Variants in EPB41L4A observed in about 807,000 individuals in gnomAD.
EPB41L4A encodes the protein band 4.1-like protein 4A.
A neutral mutation model predicts 108.6 loss-of-function variants in EPB41L4A; 100 were observed. The ratio of observed to expected loss-of-function variants is 0.92; its 90% CI spans 0.78 to 1.09. The LOEUF is 1.09. Ranked by LOEUF, EPB41L4A falls within the 50% of genes least tolerant of loss-of-function variation. The pLI is 0.00. For synonymous variants in EPB41L4A, 319 were observed against 289.0 expected (o/e 1.10, Z -1.05); for missense variants, 1,030 against 842.7 (o/e 1.22, Z -2.75).
chr5:112,336,993 T>C (rs1458426577), intron 1 of EPB41L4A, among the ~76,000 whole-genome samples: 5 of 152,180 alleles, frequency 3.3e-5, no homozygotes, highest in East Asian at 1.9e-4. Context: ...CACAGTGCCA[T>C]TGAGAACCCA....
intron 9 of EPB41L4A, chr5:112,257,030 C>G (rs535393154): frequency 6.6e-6 from 1 of 152,120 alleles, no homozygotes; most frequent in Non-Finnish European, 1.5e-5. Context: ...TCTGACCAGA[C>G]CAGCAAACCA....
chr5:112,306,518 A>G (rs985935372), intron 2 of EPB41L4A, among the ~76,000 whole-genome samples: 1 of 152,164 alleles, frequency 6.6e-6, no homozygotes, highest in Non-Finnish European at 1.5e-5. Context: ...TCTTCACTGA[A>G]TGTACCACAA....
intron 1 of EPB41L4A, among the ~76,000 whole-genome samples, chr5:112,385,281 T>C (rs577219408): frequency 9.9e-5 from 15 of 152,026 alleles, no homozygotes; most frequent in Middle Eastern, 3.4e-3. Flanking sequence ...AAGAAACACA[T>C]AGATTCAACT....
chr5:112,167,655 T>A (rs1321090551), intron 22 of EPB41L4A, among the ~76,000 whole-genome samples: 1 of 152,170 alleles, frequency 6.6e-6, no homozygotes, highest in Non-Finnish European at 1.5e-5. Context: ...TGAAGAGCCA[T>A]CTCAGCTCTA....
chr5:112,258,478 C>T lies in EPB41L4A; in HGVS notation c.795+751G>A, dbSNP rs138187665. Reference sequence around the variant, plus strand: ...TAGATTCTCCTATATCGTGTTTTCACTCATGTATCCCATAAATATGGATTA... The same window carrying T: ...TAGATTCTCCTATATCGTGTTTTCATTCATGTATCCCATAAATATGGATTA... On this transcript the variant is annotated intron_variant, in intron 9 of 22. Coordinates refer to ENST00000261486, the MANE Select transcript of EPB41L4A (RefSeq NM_022140.5). Among the ~76,000 whole-genome samples the T allele has an allele frequency of 5.4e-3, 823 of 152,330 alleles. 6 individuals are homozygous for T. Among genetic ancestry groups the T allele is most frequent in the Non-Finnish European group, 8.1e-3 (548 of 68,032 alleles).
intron 17 of EPB41L4A, among the ~76,000 whole-genome samples, chr5:112,190,176 A>T (rs1761625235): frequency 6.6e-6 from 1 of 152,240 alleles, no homozygotes; most frequent in Admixed American, 6.5e-5. Flanking sequence ...ACAAATTAGT[A>T]TAGCAAAGTA....
intron 18 of EPB41L4A, among the ~76,000 whole-genome samples, chr5:112,172,908 T>C (rs1405505879): frequency 1.3e-5 from 2 of 152,196 alleles, no homozygotes; most frequent in East Asian, 3.8e-4. Flanking sequence ...CTATACTAAT[T>C]CTGTGCTGCA....
intron 1 of EPB41L4A, among the ~76,000 whole-genome samples, chr5:112,334,417 A>G (rs1756788684): frequency 6.6e-6 from 1 of 152,092 alleles, no homozygotes; most frequent in East Asian, 1.9e-4. Context: ...TATATATCTC[A>G]ATAGGAAATA....
intron 1 of EPB41L4A, among the ~76,000 whole-genome samples, chr5:112,309,534 T>C (rs1284618781): frequency 6.6e-6 from 1 of 152,130 alleles, no homozygotes; most frequent in Non-Finnish European, 1.5e-5. Flanking sequence ...TTCGAGGAAA[T>C]TTTACACTTT....
At chr5:112,414,868 A>G (rs1010018265) in intron 1 of EPB41L4A, among the ~76,000 whole-genome samples, 1 of 152,198 alleles carries the variant, frequency 6.6e-6, no homozygotes, top group African/African-American at 2.4e-5. Flanking sequence ...GTAGTTATGC[A>G]GGAGAGACAC....
intron 12 of EPB41L4A, among the ~76,000 whole-genome samples, chr5:112,215,021 A>G (rs1747515089): frequency 6.6e-6 from 1 of 152,222 alleles, no homozygotes; most frequent in Non-Finnish European, 1.5e-5. Flanking sequence ...GTGCACCCAC[A>G]TGGCTGCCAG....
intron 1 of EPB41L4A, among the ~76,000 whole-genome samples, chr5:112,320,113 G>A (rs1048930064): frequency 2.6e-5 from 4 of 152,112 alleles, no homozygotes; most frequent in African/African-American, 7.2e-5. Context: ...CCTATTCAAG[G>A]CACTTGAGAA....
intron 2 of EPB41L4A, among the ~76,000 whole-genome samples, chr5:112,286,129 CCTA>C (rs1478905879): frequency 5.9e-5 from 9 of 152,026 alleles, no homozygotes; most frequent in African/African-American, 2.2e-4. Flanking sequence ...ATTCATTGAC[CCTA>C]CTACCTTTTC....
intron 1 of EPB41L4A, among the ~76,000 whole-genome samples, chr5:112,410,870 C>T (rs528327014): frequency 1.3e-5 from 2 of 152,128 alleles, no homozygotes; most frequent in Non-Finnish European, 2.9e-5. Flanking sequence ...CAAATATCAC[C>T]TCTTCATCTC....
intron 1 of EPB41L4A, among the ~76,000 whole-genome samples, chr5:112,396,862 G>T (rs1401412187): frequency 6.6e-6 from 1 of 152,214 alleles, no homozygotes; most frequent in African/African-American, 2.4e-5. Context: ...GAAGTATCAA[G>T]AAATGTATGG....
At chr5:112,400,336 C>A (rs572564417) in intron 1 of EPB41L4A, among the ~76,000 whole-genome samples, 1 of 142,780 alleles carries the variant, frequency 7.0e-6, no homozygotes, top group South Asian at 2.2e-4. Flanking sequence ...GATTACAATT[C>A]GAGGTGAGAT....
chr5:112,214,411 A>T (rs1296263337), intron 12 of EPB41L4A, among the ~76,000 whole-genome samples: 1 of 152,270 alleles, frequency 6.6e-6, no homozygotes. Flanking sequence ...TATAACATAC[A>T]TATATAAACA....
rs200204316 is a variant in EPB41L4A, at chr5:112,259,933, A to T, written c.689T>A (p.Val230Asp). Residue 230 changes from valine to aspartate, a missense_variant, in exon 8 of 23, where the codon GTT becomes GAT. By Grantham distance (152) the Val-to-Asp change is radical. Transcript: ENST00000261486. Reference protein sequence around the residue: ...EYFLGLTPVGVVVYKNKKQVG... With the variant: ...EYFLGLTPVGDVVYKNKKQVG... ...TTGCTTTTTATTCTTGTACACAACA[A>T]CACCAACCGGAGTTAATCCTAAGAA... is the stretch of plus-strand genomic sequence containing the variant. 1.9e-6 allele frequency: 3 copies of T among 1,614,010 alleles called. No homozygotes were observed. The highest frequency in any genetic ancestry group is 2.5e-6 in the Non-Finnish European group (3 of 1,179,992).
chr5:112,170,034 A>C (rs1465324818), intron 20 of EPB41L4A: 1 of 392,246 alleles, frequency 2.5e-6, no homozygotes, highest in Non-Finnish European at 4.5e-6. Flanking sequence ...CTCAGAAAAG[A>C]ATTTATTTTA....
Sources: allele counts gnomAD v4.1 joint callset (sites outside exome capture counted in the v4.1 genomes callset), GRCh38; gene constraint gnomAD v4.1.1; transcripts MANE v1.5; gene names NCBI Gene and HGNC (gene_info 2026-07-23, HGNC 2026-07-21).